Variants in EIF2AK4 observed in about 807,000 individuals in gnomAD.
EIF2AK4 encodes the protein eukaryotic translation initiation factor 2 alpha kinase 4.
Under a neutral mutation model 211.1 loss-of-function variants are expected in EIF2AK4, and 139 were observed. The ratio of observed to expected loss-of-function variants is 0.66; its 90% CI spans 0.57 to 0.76. The LOEUF (loss-of-function observed/expected upper bound fraction) is 0.76. Ranked by LOEUF, EIF2AK4 falls within the 30% of genes least tolerant of loss-of-function variation. The pLI is 0.00. For synonymous variants in EIF2AK4, 710 were observed against 751.3 expected (o/e 0.94, Z 0.90); for missense variants, 1,664 against 2,043.8 (o/e 0.81, Z 3.58).
intron 6 of EIF2AK4, among the ~76,000 whole-genome samples, chr15:39,960,476 C>A (rs1458448923): frequency 6.6e-6 from 1 of 151,972 alleles, no homozygotes; most frequent in Non-Finnish European, 1.5e-5. Flanking sequence ...TGCCCCTAAC[C>A]AAAATTAAAG....
chr15:39,937,740 G>A lies in EIF2AK4; in HGVS notation c.145-1765G>A, dbSNP rs1381963637. On this transcript the variant is annotated intron_variant, in intron 1 of 38. Coordinates refer to ENST00000263791, the MANE Select transcript of EIF2AK4 (RefSeq NM_001013703.4). Reference sequence around the variant, plus strand: ...GTAGGTTTTTTTTTTTAAGTTCTTCGTTCCATCAAAGTACGGGCCTAGGCC... The same window carrying A: ...GTAGGTTTTTTTTTTTAAGTTCTTCATTCCATCAAAGTACGGGCCTAGGCC... Among the ~76,000 whole-genome samples, 10 of 150,610 alleles carry A rather than the reference G, an allele frequency of 6.6e-5. 1 individual carries two copies. Among genetic ancestry groups the A allele is most frequent in the Admixed American group, 4.0e-4 (6 of 15,126 alleles).
rs769034154 is a variant in EIF2AK4 at position 40,002,717 on chromosome 15, A to G, written c.3164A>G (p.Asn1055Ser). 60 of 1,614,206 alleles carry G rather than the reference A, an allele frequency of 3.7e-5. No individual in the cohort carries two copies. The highest frequency in any genetic ancestry group is 4.7e-5 in the Non-Finnish European group (55 of 1,180,014). Reference protein sequence around the residue: ...YTYDSDILKGNFSIRTAKMQQ... With the variant: ...YTYDSDILKGSFSIRTAKMQQ... ...TTTTAATCGGTCCTGTTTTAGGGCA[A>G]CTTCTCAATCCGTACAGCCAAGATG... Residue 1055 changes from asparagine (N) to serine (S), a missense_variant, in exon 22 of 39, where the codon AAC becomes AGC. Asn to Ser is a conservative substitution (Grantham distance 46). Around this residue, in one of 7 missense-constraint regions of EIF2AK4, gnomAD observed 622 missense variants for 796.8 expected, o/e 0.78. Coordinates refer to ENST00000263791, the MANE Select transcript of EIF2AK4 (RefSeq NM_001013703.4).
chr15:39,996,424 G>C (rs2035018885), intron 18 of EIF2AK4, among the ~76,000 whole-genome samples: 1 of 152,178 alleles, frequency 6.6e-6, no homozygotes, highest in Non-Finnish European at 1.5e-5. Context: ...TTCTAGGAAG[G>C]CCAGGCGTGT....
At chr15:40,009,571 A>G in intron 25 of EIF2AK4, 43 bp from the exon 26 acceptor site, 1 of 1,303,114 alleles carries the variant, frequency 7.7e-7, no homozygotes. Context: ...TGTACCAGTA[A>G]TTGCTTTTAT....
In EIF2AK4 at chr15:39,954,080, TTAAAA is replaced by T. The variant is rs1391873095; in HGVS notation, c.594+101_594+105del. On this transcript the variant is annotated intron_variant, in intron 5 of 38. Coordinates refer to ENST00000263791, the MANE Select transcript of EIF2AK4 (RefSeq NM_001013703.4). ...TCTGTGTTACTATCAGTAATACAGC[TTAAAA>T]TAAAGCACTAAAAATAAATAAATAT... 2.9e-6 allele frequency: 3 copies of T among 1,043,240 alleles called. No individual in the cohort carries two copies. In the African/African-American group the frequency reaches 4.9e-5, roughly 17 times the overall value. The allele number at this position is 1,043,240 out of a possible 1,614,324, so 64.6% of individuals were successfully genotyped here. A position where few individuals can be genotyped will look rare whatever the true frequency, so the allele number is the denominator to read the frequency against.
intron 7 of EIF2AK4, among the ~76,000 whole-genome samples, chr15:39,964,123 T>C (rs558662): frequency 0.33 from 49,980 of 152,126 alleles, 10,145 homozygotes; most frequent in Non-Finnish European, 0.47. Flanking sequence ...AATTAAAATC[T>C]CTAAATTATC....
intron 37 of EIF2AK4, among the ~76,000 whole-genome samples, chr15:40,033,619 A>G (rs917013136): frequency 3.9e-5 from 6 of 152,232 alleles, no homozygotes; most frequent in African/African-American, 1.4e-4. Context: ...AGTATTTTAT[A>G]TATCATTTTT....
chr15:40,004,999 C>G (rs2035141366), intron 23 of EIF2AK4, among the ~76,000 whole-genome samples: 1 of 152,146 alleles, frequency 6.6e-6, no homozygotes, highest in Non-Finnish European at 1.5e-5. Flanking sequence ...AAAAAAAATT[C>G]CAACAAGCAA....
At chr15:40,032,856 A>C in intron 37 of EIF2AK4, 55 bp downstream of exon 37, 1 of 1,513,882 alleles carries the variant, frequency 6.6e-7, no homozygotes. Context: ...AATCTTTGCT[A>C]TTAGTTTGCC....
chr15:39,972,320 A>G (rs1335727495), intron 9 of EIF2AK4, among the ~76,000 whole-genome samples: 3 of 151,380 alleles, frequency 2.0e-5, no homozygotes, highest in Non-Finnish European at 4.4e-5. Flanking sequence ...ACTGCACTGC[A>G]GCCTGGGCGA....
intron 32 of EIF2AK4, among the ~76,000 whole-genome samples, chr15:40,023,950 T>A (rs1339818253): frequency 2.6e-5 from 4 of 152,210 alleles, no homozygotes; most frequent in African/African-American, 9.6e-5. Context: ...AATTTTTACA[T>A]TCTTTGTTAA....
chr15:39,988,565 C>A (rs12442713), intron 15 of EIF2AK4, among the ~76,000 whole-genome samples: 88,231 of 152,042 alleles, frequency 0.58, 26,241 homozygotes, highest in East Asian at 0.71. Flanking sequence ...TTTTTCCATA[C>A]CAGCAGATTT....
At chr15:40,017,325 C>T (rs1202401963) in intron 29 of EIF2AK4, 83 bp downstream of exon 29, 7 of 1,481,602 alleles carry the variant, frequency 4.7e-6, no homozygotes, top group South Asian at 1.3e-5. Context: ...CAAACTAACA[C>T]CAAAAATTTG....
At chr15:40,017,551 A>ATATATATATCTATG in intron 29 of EIF2AK4, among the ~76,000 whole-genome samples, 1 of 87,094 alleles carries the variant, frequency 1.1e-5, no homozygotes, top group Middle Eastern at 6.0e-3. Context: ...ATATATATAT[A>ATATATATATCTATG]TATGTATTTT....
chr15:40,025,419 A>G (rs981137723), intron 32 of EIF2AK4, among the ~76,000 whole-genome samples: 1 of 152,218 alleles, frequency 6.6e-6, no homozygotes, highest in African/African-American at 2.4e-5. Context: ...GGACAGTGAT[A>G]GCAGTATAAA....
At chr15:39,951,197 G>A (rs2140903436) in intron 4 of EIF2AK4, among the ~76,000 whole-genome samples, 1 of 152,218 alleles carries the variant, frequency 6.6e-6, no homozygotes, top group South Asian at 2.1e-4. Flanking sequence ...TTGTTTGTTT[G>A]TTTGTTTTTG....
intron 3 of EIF2AK4, among the ~76,000 whole-genome samples, chr15:39,944,675 C>T (rs1343683215): frequency 1.3e-5 from 2 of 152,144 alleles, no homozygotes. Flanking sequence ...CCTCGTGGTC[C>T]ACCCGCCTCG....
At position 39,934,120 on chromosome 15, in the gene EIF2AK4, G is replaced by T; in HGVS notation, c.-76G>T. Reference sequence around the variant, plus strand: ...ACCGCCCATAGCCCGTCCCCAGCGCGGAGCCCCGCCCCGCAGGCTGCCGGG... The same window carrying T: ...ACCGCCCATAGCCCGTCCCCAGCGCTGAGCCCCGCCCCGCAGGCTGCCGGG... On this transcript the variant is annotated 5_prime_UTR_variant, in exon 1 of 39. Transcript: ENST00000263791. 8.3e-7 allele frequency: 1 copy of T among 1,203,044 alleles called. No individual in the cohort carries two copies. The highest frequency in any genetic ancestry group is 1.0e-6 in the Non-Finnish European group (1 of 969,536). 74.5% of individuals were successfully genotyped at this position (1,203,044 alleles called of 1,614,324 possible). A position where few individuals can be genotyped will look rare whatever the true frequency, so the allele number is the denominator to read the frequency against.
Position 40,021,045 on chromosome 15 carries a change from A to G in EIF2AK4, c.4302+18A>G. The G allele has an allele frequency of 1.2e-6, 2 of 1,609,592 alleles. No homozygotes were observed. The highest frequency in any genetic ancestry group is 1.7e-6 in the Non-Finnish European group (2 of 1,177,728). ...GGTCACAGGTAATGGGACAAAAAGC[A>G]CCTGTGAGTGAAGTGCAAATTGCTA... is the stretch of plus-strand genomic sequence containing the variant. On this transcript the variant is annotated intron_variant, in intron 31 of 38. Coordinates refer to ENST00000263791, the MANE Select transcript of EIF2AK4 (RefSeq NM_001013703.4).
Sources: allele counts gnomAD v4.1 joint callset (sites outside exome capture counted in the v4.1 genomes callset), GRCh38; gene constraint gnomAD v4.1.1; regional missense constraint gnomAD v4.1.1; transcripts MANE v1.5; gene names NCBI Gene and HGNC (gene_info 2026-07-23, HGNC 2026-07-21).